Variants in NTRK2 observed in about 807,000 individuals in gnomAD.
The protein encoded by NTRK2 is BDNF/NT-3 growth factors receptor.
In NTRK2, 13 loss-of-function variants were observed where a neutral mutation model predicts 94.5. The ratio of observed to expected loss-of-function variants is 0.14; its 90% CI spans 0.09 to 0.22. The LOEUF (loss-of-function observed/expected upper bound fraction) is 0.22. Ranked by LOEUF, NTRK2 falls within the 10% of genes least tolerant of loss-of-function variation. The pLI is 1.00. For missense variants in NTRK2, 639 were observed against 1,071.2 expected, an observed-to-expected ratio of 0.60 and a Z score of 5.63; for synonymous variants, 372 against 407.4, an observed-to-expected ratio of 0.91 and a Z score of 1.05.
At chr9:84,981,535 T>C (rs1051006544) in intron 17 of NTRK2, among the ~76,000 whole-genome samples, 7 of 152,238 alleles carry the variant, frequency 4.6e-5, no homozygotes, top group Non-Finnish European at 8.8e-5. Flanking sequence ...TAATCTTTTT[T>C]TAATTTTGTT....
At chr9:84,987,070 C>A (rs1446845707) in intron 17 of NTRK2, among the ~76,000 whole-genome samples, 1 of 152,148 alleles carries the variant, frequency 6.6e-6, no homozygotes, top group Non-Finnish European at 1.5e-5. Flanking sequence ...ATATTTGATA[C>A]CTTTTGATTT....
At chr9:84,913,518 T>C (rs559876592) in intron 14 of NTRK2, among the ~76,000 whole-genome samples, 1 of 152,344 alleles carries the variant, frequency 6.6e-6, no homozygotes, top group South Asian at 2.1e-4. Context: ...ATTTTTATTC[T>C]TTTCTTGTTC....
chr9:84,870,328 T>TGC (rs1266131853), intron 14 of NTRK2, among the ~76,000 whole-genome samples: 3 of 60,732 alleles, frequency 4.9e-5, no homozygotes, highest in African/African-American at 1.8e-4. Context: ...GGGGTGTGTG[T>TGC]GTGTATATAT....
At chr9:84,936,136 G>A (rs1249116333) in intron 15 of NTRK2, among the ~76,000 whole-genome samples, 3 of 152,148 alleles carry the variant, frequency 2.0e-5, no homozygotes, top group East Asian at 3.9e-4. Context: ...AATCCTAGAT[G>A]AGAGTGTAGA....
chr9:84,985,846 G>A (rs1434704163), intron 17 of NTRK2, among the ~76,000 whole-genome samples: 1 of 152,218 alleles, frequency 6.6e-6, no homozygotes, highest in Non-Finnish European at 1.5e-5. Flanking sequence ...AAGTAGGACT[G>A]TTAGGTGTTC....
chr9:84,940,735 TAA>T (rs112747441), intron 15 of NTRK2, among the ~76,000 whole-genome samples: 46 of 146,788 alleles, frequency 3.1e-4, no homozygotes, highest in African/African-American at 1.1e-3. Flanking sequence ...TGGAACAGTT[TAA>T]AAAAAAAAAA....
At chr9:84,746,293 G>A (rs2064065366) in intron 11 of NTRK2, among the ~76,000 whole-genome samples, 1 of 152,192 alleles carries the variant, frequency 6.6e-6, no homozygotes, top group African/African-American at 2.4e-5. Flanking sequence ...TTTACGTACT[G>A]TCTGTGGCTG....
intron 17 of NTRK2, among the ~76,000 whole-genome samples, chr9:84,969,914 G>C (rs912812450): frequency 6.6e-6 from 1 of 152,146 alleles, no homozygotes; most frequent in African/African-American, 2.4e-5. Context: ...ATACAATAAA[G>C]TTCTGCTGGC....
chr9:85,019,351 A>G (rs1476778218), intron 17 of NTRK2, among the ~76,000 whole-genome samples: 1 of 152,202 alleles, frequency 6.6e-6, no homozygotes, highest in Admixed American at 6.5e-5. Flanking sequence ...CTACCGCCAC[A>G]GGACTACTGT....
At chr9:84,723,172 A>G (rs1189212513) in intron 6 of NTRK2, among the ~76,000 whole-genome samples, 2 of 152,182 alleles carry the variant, frequency 1.3e-5, no homozygotes, top group Admixed American at 6.5e-5. Context: ...GAGCATTAGT[A>G]AAAAATGGGG....
At chr9:84,843,738 T>G (rs749917907) in intron 12 of NTRK2, among the ~76,000 whole-genome samples, 1 of 152,036 alleles carries the variant, frequency 6.6e-6, no homozygotes, top group Non-Finnish European at 1.5e-5. Context: ...GAATAAAGAG[T>G]TGAAAAACTA....
At chr9:84,788,087 G>A (rs1372322415) in intron 12 of NTRK2, among the ~76,000 whole-genome samples, 1 of 152,096 alleles carries the variant, frequency 6.6e-6, no homozygotes, top group African/African-American at 2.4e-5. Flanking sequence ...CCATGTATCA[G>A]GTATTACTAT....
At chr9:84,835,860 C>T (rs1330079871) in intron 12 of NTRK2, among the ~76,000 whole-genome samples, 2 of 152,136 alleles carry the variant, frequency 1.3e-5, no homozygotes, top group East Asian at 1.9e-4. Flanking sequence ...CGGCATTTCC[C>T]CTGCAATGCC....
intron 17 of NTRK2, among the ~76,000 whole-genome samples, chr9:85,010,302 C>G (rs1364857526): frequency 6.6e-6 from 1 of 152,174 alleles, no homozygotes; most frequent in East Asian, 1.9e-4. Flanking sequence ...CAATGACACA[C>G]ATATTGATCC....
intron 12 of NTRK2, among the ~76,000 whole-genome samples, chr9:84,801,862 A>C (rs889118823): frequency 6.6e-6 from 1 of 152,248 alleles, no homozygotes; most frequent in Non-Finnish European, 1.5e-5. Flanking sequence ...TATATAATCC[A>C]GTCATTCCTG....
At chr9:84,911,914 C>T (rs2077246951) in intron 14 of NTRK2, among the ~76,000 whole-genome samples, 1 of 152,062 alleles carries the variant, frequency 6.6e-6, no homozygotes, top group Admixed American at 6.5e-5. Context: ...TCTCTCAGCA[C>T]TGCTTTATCT....
Position 84,842,585 on chromosome 9 carries a change from A to G in NTRK2, c.1397-18455A>G, listed in dbSNP as rs553388674. Among the ~76,000 whole-genome samples, 4 of 151,474 alleles carry G rather than the reference A, an allele frequency of 2.6e-5. No homozygotes were observed. The South Asian group carries it at 8.4e-4, about 32-fold the overall frequency. ...CCCATAGTGCTGCTTCCCTGGCCTC[A>G]CTCTGGGTTCTCCAGCAGAAACCGG... is the stretch of plus-strand genomic sequence containing the variant. On this transcript the variant is annotated intron_variant, in intron 12 of 18. Transcript: ENST00000277120.
chr9:84,745,531 G>A (rs2063991610), intron 11 of NTRK2, among the ~76,000 whole-genome samples: 1 of 152,164 alleles, frequency 6.6e-6, no homozygotes, highest in Non-Finnish European at 1.5e-5. Context: ...AGACCCTGGA[G>A]GTGAATATTA....
Position 84,934,268 on chromosome 9 carries a change from G to C in NTRK2, c.1740G>C (p.Gln580His), listed in dbSNP as rs2132720678. Residue 580 changes from glutamine (Q) to histidine (H), a missense_variant, in exon 15 of 19, where the codon CAG becomes CAC. By Grantham distance (24) the Gln-to-His change is conservative. This residue lies in a region of NTRK2 where 343 missense variants were observed against 571.5 expected (regional missense o/e 0.60). Coordinates refer to ENST00000277120, the MANE Select transcript of NTRK2 (RefSeq NM_006180.6). Reference sequence around the variant, plus strand: ...AATGCTATAACCTCTGTCCTGAGCAGGACAAGATCTTGGTGGCAGTGAAGG... The same window carrying C: ...AATGCTATAACCTCTGTCCTGAGCACGACAAGATCTTGGTGGCAGTGAAGG... ...LAECYNLCPEQDKILVAVKTL... is the reference protein window; with the variant it reads ...LAECYNLCPEHDKILVAVKTL... 1.2e-6 allele frequency: 2 copies of C among 1,614,030 alleles called. No homozygotes were observed. Among genetic ancestry groups the C allele is most frequent in the Non-Finnish European group, 1.7e-6 (2 of 1,179,934 alleles).
Sources: allele counts gnomAD v4.1 joint callset (sites outside exome capture counted in the v4.1 genomes callset), GRCh38; gene constraint gnomAD v4.1.1; regional missense constraint gnomAD v4.1.1; transcripts MANE v1.5; gene names NCBI Gene and HGNC (gene_info 2026-07-23, HGNC 2026-07-21).